AGBL1: variants seen among roughly 807,000 people sequenced by gnomAD.
The protein encoded by AGBL1 is cytosolic carboxypeptidase 4.
A neutral mutation model predicts 118.9 loss-of-function variants in AGBL1; 130 were observed. The ratio of observed to expected loss-of-function variants is 1.09; its 90% CI spans 0.95 to 1.26. The LOEUF is 1.26. Among genes scored for constraint, AGBL1 ranks in the 50% most tolerant of loss-of-function variants. AGBL1 has a pLI of 0.00. For missense variants in AGBL1, 1,584 were observed against 1,298.1 expected, an observed-to-expected ratio of 1.22 and a Z score of -3.38; for synonymous variants, 555 against 478.9, an observed-to-expected ratio of 1.16 and a Z score of -2.08.
chr15:86,650,114 CA>C lies in AGBL1; in HGVS notation c.2995-24158del, dbSNP rs563719958. 9.9e-3 allele frequency among the ~76,000 whole-genome samples: 1,510 copies of C among 152,254 alleles called. 16 individuals are homozygous for C. Among genetic ancestry groups the C allele is most frequent in the Non-Finnish European group, 0.016 (1,096 of 68,012 alleles). ...TATATATCTAGTTCTTTTTGTGGCA[CA>C]GGGGGCATTTAGTTTTGTGAAAGAG... On this transcript the variant is annotated intron_variant, in intron 21 of 22. Transcript: ENST00000614907.
rs2080325898 is a variant in AGBL1 at position 86,909,835 on chromosome 15, T to G, written c.*2541T>G. On this transcript the variant is annotated 3_prime_UTR_variant, in exon 23 of 23. Coordinates refer to ENST00000614907, the MANE Select transcript of AGBL1 (RefSeq NM_001386094.1). ...CCCAAATTAGTTTTGGGGGTTAGCT[T>G]CTGGTCATGAGGCATGTTTCTTAAA... is the stretch of plus-strand genomic sequence containing the variant. 6.6e-6 allele frequency: 1 copy of G among 152,228 alleles called. No individual in the cohort carries two copies. Among genetic ancestry groups the G allele is most frequent in the Non-Finnish European group, 1.5e-5 (1 of 68,040 alleles). 9.4% of individuals were successfully genotyped at this position (152,228 alleles called of 1,614,324 possible).
chr15:87,024,592 C>G (rs1464618708), intron 24 of AGBL1, among the ~76,000 whole-genome samples: 1 of 152,022 alleles, frequency 6.6e-6, no homozygotes, highest in African/African-American at 2.4e-5. Context: ...CCGATTGACA[C>G]TATTTCCCAA....
intron 1 of AGBL1, among the ~76,000 whole-genome samples, chr15:86,088,682 A>G (rs1895831107): frequency 3.9e-5 from 6 of 152,222 alleles, no homozygotes; most frequent in Admixed American, 3.9e-4. Flanking sequence ...AAACAGATGG[A>G]TTTGAAATGT....
intron 22 of AGBL1, among the ~76,000 whole-genome samples, chr15:86,721,907 T>C (rs1216070016): frequency 3.3e-5 from 5 of 152,166 alleles, no homozygotes; most frequent in Admixed American, 2.0e-4. Context: ...CCATTCACAA[T>C]TGCTTCAAAG....
At chr15:86,130,546 A>T (rs1416179340) in intron 1 of AGBL1, among the ~76,000 whole-genome samples, 1 of 152,174 alleles carries the variant, frequency 6.6e-6, no homozygotes, top group Admixed American at 6.5e-5. Context: ...TACCACCTCC[A>T]AGTCTGATGT....
chr15:86,079,837 C>T, upstream of AGBL1: 1 of 514,300 alleles, frequency 1.9e-6, no homozygotes. Context: ...GCTGACTTCA[C>T]ACTCAGCAGC....
intron 9 of AGBL1, among the ~76,000 whole-genome samples, chr15:86,260,103 GAGA>G (rs1482076996): frequency 6.6e-6 from 1 of 152,268 alleles, no homozygotes; most frequent in Non-Finnish European, 1.5e-5. Flanking sequence ...ATGAATTGTA[GAGA>G]AGGAGAGGAG....
Position 87,011,469 on chromosome 15 carries a change from T to C in AGBL1, c.3324-17356T>C, listed in dbSNP as rs118120108. Among the ~76,000 whole-genome samples, 505 of 152,344 alleles carry C rather than the reference T, an allele frequency of 3.3e-3. 2 individuals are homozygous for C. The highest frequency in any genetic ancestry group is 5.0e-3 in the Non-Finnish European group (341 of 68,036). On this transcript the variant is annotated intron_variant, in intron 24 of 24. Transcript: ENST00000441037. The stretch of plus-strand genomic sequence containing the variant: ...AATTTATGTATACTTAGGAAGTGAA[T>C]GTCCAGATTTAAATAAGAGATAAAT...
At chr15:86,689,569 G>A (rs1311336376) in intron 22 of AGBL1, among the ~76,000 whole-genome samples, 1 of 152,024 alleles carries the variant, frequency 6.6e-6, no homozygotes, top group South Asian at 2.1e-4. Flanking sequence ...ATAATTCCAT[G>A]CAATTGTTGT....
chr15:86,239,823 A>G (rs1469866982), intron 6 of AGBL1, among the ~76,000 whole-genome samples: 1 of 152,204 alleles, frequency 6.6e-6, no homozygotes, highest in Non-Finnish European at 1.5e-5. Context: ...ATTAGTGGTA[A>G]GAACTAAAAG....
At chr15:87,013,573 T>C (rs1000954999) in intron 24 of AGBL1, among the ~76,000 whole-genome samples, 2 of 152,072 alleles carry the variant, frequency 1.3e-5, no homozygotes, top group Non-Finnish European at 2.9e-5. Flanking sequence ...TTTATTTTGG[T>C]TGAATAAATA....
intron 22 of AGBL1, among the ~76,000 whole-genome samples, chr15:86,815,053 A>C (rs1025133777): frequency 6.6e-6 from 1 of 152,088 alleles, no homozygotes; most frequent in African/African-American, 2.4e-5. Flanking sequence ...GTTGACCACC[A>C]ATGTAAATCT....
chr15:86,645,305 G>A (rs959492267), intron 21 of AGBL1, among the ~76,000 whole-genome samples: 1 of 152,204 alleles, frequency 6.6e-6, no homozygotes. Flanking sequence ...AAAGAGCAGG[G>A]AAGTGTGGCA....
At chr15:86,113,221 T>C (rs1897513143) in intron 1 of AGBL1, among the ~76,000 whole-genome samples, 1 of 61,186 alleles carries the variant, frequency 1.6e-5, no homozygotes, top group Non-Finnish European at 2.8e-5. Flanking sequence ...CTTTTTCTTT[T>C]CTTTTCTTTT....
chr15:86,160,512 A>G (rs1331550044), intron 5 of AGBL1, among the ~76,000 whole-genome samples: 2 of 152,128 alleles, frequency 1.3e-5, no homozygotes, highest in Non-Finnish European at 2.9e-5. Flanking sequence ...ACTGTCCTCA[A>G]TCATCTCATG....
chr15:86,655,809 G>A (rs924176041), intron 21 of AGBL1, among the ~76,000 whole-genome samples: 6 of 152,156 alleles, frequency 3.9e-5, no homozygotes, highest in Admixed American at 3.3e-4. Flanking sequence ...TGGGAGAGGT[G>A]GAGTAGGGAT....
At chr15:86,959,558 T>C (rs2080970770) in intron 23 of AGBL1, among the ~76,000 whole-genome samples, 1 of 152,078 alleles carries the variant, frequency 6.6e-6, no homozygotes, top group East Asian at 1.9e-4. Context: ...ACACCCAAAG[T>C]CTTCTTTTTT....
intron 5 of AGBL1, among the ~76,000 whole-genome samples, chr15:86,204,703 C>T (rs1192750595): frequency 1.3e-5 from 2 of 152,160 alleles, no homozygotes; most frequent in East Asian, 3.8e-4. Context: ...AATTCTCCTG[C>T]CTCAGCCTCC....
At chr15:86,827,312 TATATACAC>T (rs1369597942) in intron 22 of AGBL1, among the ~76,000 whole-genome samples, 8 of 10,300 alleles carry the variant, frequency 7.8e-4, no homozygotes, top group African/African-American at 2.2e-3. Context: ...TGTATATATA[TATATACAC>T]ACACATATAT....
Sources: allele counts gnomAD v4.1 joint callset (sites outside exome capture counted in the v4.1 genomes callset), GRCh38; gene constraint gnomAD v4.1.1; transcripts MANE v1.5; gene names NCBI Gene and HGNC (gene_info 2026-07-23, HGNC 2026-07-21).